The following UNC13B variants were observed in gnomAD, a reference collection of about 807,000 sequenced individuals.
The protein encoded by UNC13B is protein unc-13 homolog B.
A neutral mutation model predicts 211.0 loss-of-function variants in UNC13B; 144 were observed. That is an observed-to-expected ratio of 0.68 (90% CI 0.60 to 0.78). UNC13B has a LOEUF of 0.78. UNC13B is among the 30% of genes least tolerant of loss of function. UNC13B has a pLI of 0.00. For synonymous variants in UNC13B, 709 were observed against 725.8 expected (o/e 0.98, Z 0.37); for missense variants, 1,777 against 2,002.0 (o/e 0.89, Z 2.14).
chr9:35,214,047 A>T (rs1824120118), intron 1 of UNC13B, among the ~76,000 whole-genome samples: 1 of 152,218 alleles, frequency 6.6e-6, no homozygotes, highest in South Asian at 2.1e-4. Flanking sequence ...TTAACTGGTG[A>T]TAGCAGACTG....
Position 35,403,433 on chromosome 9 carries a change from T to C in UNC13B, c.12578-7T>C. On this transcript the variant is annotated splice_region_variant and splice_polypyrimidine_tract_variant and intron_variant, in intron 38 of 39. Coordinates refer to ENST00000635942, the MANE Select transcript of UNC13B (RefSeq NM_001371189.2). Reference sequence around the variant, plus strand: ...GGATCCCTCACAGGTTTCCCTTGTTTGGGCAGTGGTGGCTGCCAATGACCT... The same window carrying C: ...GGATCCCTCACAGGTTTCCCTTGTTCGGGCAGTGGTGGCTGCCAATGACCT... 1 of 1,613,168 alleles carries C rather than the reference T, an allele frequency of 6.2e-7. No homozygotes were observed. The highest frequency in any genetic ancestry group is 8.5e-7 in the Non-Finnish European group (1 of 1,179,822).
At position 35,300,973 on chromosome 9, in the gene UNC13B, C is replaced by T. The variant is rs917186214; in HGVS notation, c.1569C>T (p.Ala523=). 1.2e-4 allele frequency: 47 copies of T among 398,954 alleles called. No individual in the cohort carries two copies. Among genetic ancestry groups the T allele is most frequent in the African/African-American group, 9.4e-4 (46 of 48,752 alleles). 24.7% of individuals were successfully genotyped at this position (398,954 alleles called of 1,614,324 possible). ...TTGTCAAGAATGACAAGGACACGGC[C>T]ATCTCTTTCCCTGAGTTGACTGGAG... The part of the protein sequence containing the change: ...LTIVKNDKDT[A]ISFPELTGVQ... The change falls in exon 9 of 40, where the codon GCC becomes GCT. Residue 523 remains alanine (A), a synonymous_variant. Coordinates refer to ENST00000635942, the MANE Select transcript of UNC13B (RefSeq NM_001371189.2).
rs1829795150 is a variant in UNC13B, at chr9:35,303,738, A to T, written c.4334A>T (p.Asp1445Val). The T allele has an allele frequency of 5.0e-6, 2 of 398,628 alleles. No homozygotes were observed. 24.7% of individuals were successfully genotyped at this position (398,628 alleles called of 1,614,324 possible). The change falls in exon 9 of 40, where the codon GAT (aspartate) becomes GTT (valine). Residue 1445 changes from aspartate (D) to valine (V), a missense_variant. Asp to Val is a radical substitution (Grantham distance 152). Coordinates refer to ENST00000635942, the MANE Select transcript of UNC13B (RefSeq NM_001371189.2). ...AATGAAGATTACTTATTAAGAGGTG[A>T]TGTGTGGGCAGCTAACTCATTATAT... ...AFNEDYLLRG[D>V]VWAANSLYGN...
At chr9:35,343,026 A>G (rs1008086726) in intron 11 of UNC13B, among the ~76,000 whole-genome samples, 13 of 152,240 alleles carry the variant, frequency 8.5e-5, no homozygotes, top group African/African-American at 3.1e-4. Flanking sequence ...CTCAGTCTTG[A>G]ATATATGCAC....
rs1834379636 is a variant in UNC13B, at chr9:35,376,022, T to C, written c.9616-6T>C. 1.2e-6 allele frequency: 2 copies of C among 1,614,116 alleles called. No homozygotes were observed. Among genetic ancestry groups the C allele is most frequent in the Non-Finnish European group, 1.7e-6 (2 of 1,179,978 alleles). ...AAAATCATGGGATGGGGTATGTGTC[T>C]TTCAGAAATCCCACGTGTATAAGAA... On this transcript the variant is annotated splice_polypyrimidine_tract_variant and splice_region_variant and intron_variant, in intron 14 of 39. Coordinates refer to ENST00000635942, the MANE Select transcript of UNC13B (RefSeq NM_001371189.2).
At chr9:35,390,835 G>A in intron 26 of UNC13B, 121 bp downstream of exon 26, 1 of 1,020,252 alleles carries the variant, frequency 9.8e-7, no homozygotes. Context: ...GAAACTAAAG[G>A]AATTCTAGGC....
chr9:35,184,812 G>T (rs771419773), intron 1 of UNC13B, among the ~76,000 whole-genome samples: 1 of 82,546 alleles, frequency 1.2e-5, no homozygotes, highest in Admixed American at 1.3e-4. Context: ...GGGGGGGGGG[G>T]GGGAGAGAGA....
intron 1 of UNC13B, among the ~76,000 whole-genome samples, chr9:35,179,803 A>T (rs1436423796): frequency 6.6e-6 from 1 of 152,186 alleles, no homozygotes; most frequent in African/African-American, 2.4e-5. Context: ...TTCAAAAAAG[A>T]CAAAAAAATA....
At chr9:35,210,185 C>T (rs377545985) in intron 1 of UNC13B, among the ~76,000 whole-genome samples, 9 of 152,192 alleles carry the variant, frequency 5.9e-5, no homozygotes, top group Admixed American at 3.3e-4. Context: ...ATATTTTGAG[C>T]GATTGATTTC....
At chr9:35,164,182 AAT>A (rs1820917110) in intron 1 of UNC13B, among the ~76,000 whole-genome samples, 1 of 152,066 alleles carries the variant, frequency 6.6e-6, no homozygotes, top group Non-Finnish European at 1.5e-5. Context: ...AGGCCCGGCT[AAT>A]TTTTGTATTT....
chr9:35,397,105 C>T (rs546972540), intron 28 of UNC13B, 62 bp from the exon 29 acceptor site: 63 of 1,606,486 alleles, frequency 3.9e-5, no homozygotes, highest in Non-Finnish European at 4.9e-5. Flanking sequence ...CCTTTTCAAA[C>T]TCTACAAGCT....
At chr9:35,193,367 G>A (rs888963065) in intron 1 of UNC13B, among the ~76,000 whole-genome samples, 1 of 152,072 alleles carries the variant, frequency 6.6e-6, no homozygotes, top group African/African-American at 2.4e-5. Context: ...AGATCATAGG[G>A]GCTGAGTGTG....
intron 6 of UNC13B, among the ~76,000 whole-genome samples, chr9:35,244,562 T>C (rs1825980784): frequency 6.6e-6 from 1 of 152,166 alleles, no homozygotes; most frequent in South Asian, 2.1e-4. Flanking sequence ...CTTCTGCCTC[T>C]GATGGTTGCT....
rs775079813 is a variant in UNC13B at position 35,231,186 on chromosome 9, G to C, written c.119G>C (p.Gly40Ala). Residue 40 changes from glycine to alanine, a missense_variant, in exon 3 of 40, where the codon GGT becomes GCT. Physicochemically the swap from Gly to Ala is moderately conservative, Grantham distance 60 (BLOSUM62 0). Coordinates refer to ENST00000635942, the MANE Select transcript of UNC13B (RefSeq NM_001371189.2). ...AAGAGCACAACTGTAGCAGTTCGTGGTGATCAGCCTTCCTGGGAACAGGAT... is the reference window on the plus strand; with the variant it reads ...AAGAGCACAACTGTAGCAGTTCGTGCTGATCAGCCTTCCTGGGAACAGGAT... ...NVKSTTVAVR[G>A]DQPSWEQDFM... 3.1e-6 allele frequency: 5 copies of C among 1,613,292 alleles called. No individual in the cohort carries two copies. In the Admixed American group the frequency reaches 8.3e-5, roughly 27 times the overall value.
intron 11 of UNC13B, among the ~76,000 whole-genome samples, chr9:35,315,846 C>G (rs1464720785): frequency 6.6e-6 from 1 of 152,154 alleles, no homozygotes; most frequent in Non-Finnish European, 1.5e-5. Context: ...CAGTTTGGGT[C>G]CATTCAGTGT....
intron 7 of UNC13B, among the ~76,000 whole-genome samples, chr9:35,272,251 T>G (rs1424733266): frequency 1.3e-5 from 2 of 150,876 alleles, no homozygotes; most frequent in African/African-American, 4.8e-5. Context: ...TTTTTTGTTT[T>G]TTTTTGTTTT....
At chr9:35,208,117 G>A (rs910207950) in intron 1 of UNC13B, among the ~76,000 whole-genome samples, 13 of 152,260 alleles carry the variant, frequency 8.5e-5, no homozygotes, top group African/African-American at 1.9e-4. Context: ...ATAAAAGAGC[G>A]TGTTACTTTG....
chr9:35,324,632 A>G (rs1341558248), intron 11 of UNC13B, among the ~76,000 whole-genome samples: 1 of 152,162 alleles, frequency 6.6e-6, no homozygotes, highest in African/African-American at 2.4e-5. Flanking sequence ...ACCTCTTTGC[A>G]GTATTTGACA....
chr9:35,175,598 C>T (rs1284015506), intron 1 of UNC13B, among the ~76,000 whole-genome samples: 2 of 152,042 alleles, frequency 1.3e-5, no homozygotes, highest in African/African-American at 2.4e-5. Context: ...AGGACAGTTT[C>T]ATTTGGGTAA....
Sources: allele counts gnomAD v4.1 joint callset (sites outside exome capture counted in the v4.1 genomes callset), GRCh38; gene constraint gnomAD v4.1.1; transcripts MANE v1.5; gene names NCBI Gene and HGNC (gene_info 2026-07-23, HGNC 2026-07-21).